Variants in FGF12 observed in about 807,000 individuals in gnomAD.
FGF12 encodes fibroblast growth factor 12, also known as fibroblast growth factor 12B.
A neutral mutation model predicts 23.6 loss-of-function variants in FGF12; 14 were observed. The observed-to-expected ratio is 0.59, with a 90% CI of 0.39 to 0.93. The LOEUF (loss-of-function observed/expected upper bound fraction) is 0.93, where lower values mean the gene tolerates loss of function less well. Ranked by LOEUF, FGF12 falls within the 40% of genes least tolerant of loss-of-function variation. The probability of loss-of-function intolerance (pLI) is 0.00; values close to 1 mark genes in which losing one functional copy is unlikely to be tolerated. For missense variants in FGF12, 175 were observed against 217.8 expected, an observed-to-expected ratio of 0.80 and a Z score of 1.24; for synonymous variants, 62 against 77.3, an observed-to-expected ratio of 0.80 and a Z score of 1.04.
intron 4 of FGF12, among the ~76,000 whole-genome samples, chr3:192,221,963 T>C (rs1420003686): frequency 3.9e-5 from 6 of 152,158 alleles, no homozygotes; most frequent in Non-Finnish European, 8.8e-5. Flanking sequence ...AAACATTTGA[T>C]AGAGATTTGC....
At chr3:192,461,949 C>T (rs1722877326) in intron 2 of FGF12, among the ~76,000 whole-genome samples, 1 of 151,154 alleles carries the variant, frequency 6.6e-6, no homozygotes, top group Admixed American at 6.6e-5. Context: ...GAGATCGCAC[C>T]ACGGCACTCC....
At chr3:192,530,246 C>T (rs1048191094) in intron 2 of FGF12, among the ~76,000 whole-genome samples, 5 of 152,172 alleles carry the variant, frequency 3.3e-5, no homozygotes, top group East Asian at 3.9e-4. Flanking sequence ...ACCTCTCAAC[C>T]CTTACATTTA....
intron 4 of FGF12, among the ~76,000 whole-genome samples, chr3:192,190,566 C>T (rs1176648557): frequency 4.0e-5 from 6 of 149,670 alleles, no homozygotes; most frequent in Non-Finnish European, 8.9e-5. Context: ...AACTCCGCCT[C>T]CCGGGTTCAC....
chr3:192,648,000 T>C (rs1716077651), intron 2 of FGF12, among the ~76,000 whole-genome samples: 1 of 151,956 alleles, frequency 6.6e-6, no homozygotes, highest in African/African-American at 2.4e-5. Context: ...AAATGAGCAG[T>C]GCAGAAAGAA....
At chr3:192,718,368 G>A (rs531006857) in intron 2 of FGF12, among the ~76,000 whole-genome samples, 3 of 151,826 alleles carry the variant, frequency 2.0e-5, no homozygotes, top group African/African-American at 4.8e-5. Flanking sequence ...CATCAAGTTC[G>A]CCAAAAGAGA....
chr3:192,296,486 A>C (rs2108655051), intron 4 of FGF12, among the ~76,000 whole-genome samples: 1 of 152,256 alleles, frequency 6.6e-6, no homozygotes, highest in South Asian at 2.1e-4. Flanking sequence ...GGCCTCTAAA[A>C]GGGGTGGGAT....
chr3:192,490,403 G>T (rs77988384), intron 2 of FGF12, among the ~76,000 whole-genome samples: 9,422 of 151,942 alleles, frequency 0.062, 1,002 homozygotes, highest in African/African-American at 0.22. Flanking sequence ...AATAAGAAAT[G>T]CATATATATG....
chr3:192,205,362 G>A (rs1717594381), intron 4 of FGF12, among the ~76,000 whole-genome samples: 2 of 152,114 alleles, frequency 1.3e-5, no homozygotes, highest in African/African-American at 4.8e-5. Context: ...CTACCCCCAT[G>A]TTAATATAAG....
intron 2 of FGF12, among the ~76,000 whole-genome samples, chr3:192,375,601 T>C (rs1719452064): frequency 6.6e-6 from 1 of 152,194 alleles, no homozygotes; most frequent in African/African-American, 2.4e-5. Flanking sequence ...ATAAGATTTT[T>C]TTCGTTTATT....
chr3:192,544,158 C>T lies in FGF12; in HGVS notation c.13+183023G>A, dbSNP rs147204876. Reference sequence around the variant, plus strand: ...TGCTGTCTGCTGTGACAGGACAGCACTGAGTTCCAATGCAAAGTCCCACAA... The same window carrying T: ...TGCTGTCTGCTGTGACAGGACAGCATTGAGTTCCAATGCAAAGTCCCACAA... On this transcript the variant is annotated intron_variant, in intron 2 of 5. Transcript: ENST00000445105. 2.8e-3 allele frequency among the ~76,000 whole-genome samples: 431 copies of T among 152,296 alleles called. 1 individual carries two copies. Among genetic ancestry groups the T allele is most frequent in the African/African-American group, 9.1e-3 (380 of 41,548 alleles).
At chr3:192,420,255 C>T (rs190114864) in intron 2 of FGF12, among the ~76,000 whole-genome samples, 395 of 152,166 alleles carry the variant, frequency 2.6e-3, no homozygotes, top group Non-Finnish European at 4.6e-3. Context: ...CACATCAGGC[C>T]TTCTGCAGGT....
intron 4 of FGF12, among the ~76,000 whole-genome samples, chr3:192,239,740 T>G (rs935183016): frequency 6.6e-6 from 1 of 152,138 alleles, no homozygotes; most frequent in Non-Finnish European, 1.5e-5. Flanking sequence ...GATGAAACAG[T>G]TTCATCTGGA....
At chr3:192,213,410 A>G (rs1243227012) in intron 4 of FGF12, among the ~76,000 whole-genome samples, 1 of 152,204 alleles carries the variant, frequency 6.6e-6, no homozygotes, top group East Asian at 1.9e-4. Flanking sequence ...ATTTCCAGAC[A>G]TGAATTAAGC....
chr3:192,193,182 T>C lies in FGF12; in HGVS notation c.229-22526A>G, dbSNP rs143728969. 6.4e-4 allele frequency among the ~76,000 whole-genome samples: 97 copies of C among 152,340 alleles called. No homozygotes were observed. The East Asian group carries it at 0.017, about 27-fold the overall frequency. On this transcript the variant is annotated intron_variant, in intron 4 of 5. Transcript: ENST00000445105. ...AAATATTTTAACTCTGCCCATGATA[T>C]GGTTTGACTTACTTCCTGGTCTCGC...
At chr3:192,565,164 T>C (rs1250523407) in intron 2 of FGF12, among the ~76,000 whole-genome samples, 1 of 152,238 alleles carries the variant, frequency 6.6e-6, no homozygotes. Flanking sequence ...ATTTTGGTAA[T>C]ATAATGAGAG....
At chr3:192,379,702 AT>A (rs1719736687) in intron 2 of FGF12, among the ~76,000 whole-genome samples, 1 of 152,188 alleles carries the variant, frequency 6.6e-6, no homozygotes, top group East Asian at 1.9e-4. Context: ...ATGCTGCCTT[AT>A]TTACTCAATT....
At chr3:192,388,342 C>T (rs1471421267) in intron 2 of FGF12, among the ~76,000 whole-genome samples, 2 of 152,110 alleles carry the variant, frequency 1.3e-5, no homozygotes, top group African/African-American at 4.8e-5. Flanking sequence ...CGTTATAATA[C>T]AATGTAATAT....
At chr3:192,543,517 G>A (rs1037127491) in intron 2 of FGF12, among the ~76,000 whole-genome samples, 1 of 152,060 alleles carries the variant, frequency 6.6e-6, no homozygotes, top group Non-Finnish European at 1.5e-5. Flanking sequence ...GGCCGAGCTG[G>A]TACCTAAGCT....
At chr3:192,555,802 G>A (rs956137073) in intron 2 of FGF12, among the ~76,000 whole-genome samples, 11 of 143,450 alleles carry the variant, frequency 7.7e-5, no homozygotes, top group Admixed American at 2.1e-4. Flanking sequence ...CCATCTCGGG[G>A]AAAAAAAAAA....
Sources: allele counts gnomAD v4.1 joint callset (sites outside exome capture counted in the v4.1 genomes callset), GRCh38; gene constraint gnomAD v4.1.1; transcripts MANE v1.5; gene names NCBI Gene and HGNC (gene_info 2026-07-23, HGNC 2026-07-21).